The following NLRX1 variants were observed in gnomAD, a reference collection of about 807,000 sequenced individuals.
The protein encoded by NLRX1 is NOD-like receptor X1.
Under a neutral mutation model 74.2 loss-of-function variants are expected in NLRX1, and 67 were observed. That is an observed-to-expected ratio of 0.90 (90% CI 0.74 to 1.11). The LOEUF is 1.11. Ranked by LOEUF, NLRX1 falls within the 50% of genes least tolerant of loss-of-function variation. The pLI is 0.00. For synonymous variants in NLRX1, 506 were observed against 559.1 expected (o/e 0.91, Z 1.34); for missense variants, 1,191 against 1,305.4 (o/e 0.91, Z 1.35).
chr11:119,181,251 C>T lies in NLRX1; in HGVS notation c.2348C>T (p.Thr783Ile), dbSNP rs367872629. The change falls in exon 8 of 10, where the codon ACA (threonine) becomes ATA (isoleucine). Residue 783 changes from threonine (T) to isoleucine (I), a missense_variant. Coordinates refer to ENST00000409109, the MANE Select transcript of NLRX1 (RefSeq NM_001282144.2). ...CTGCATGACCAGTGCCAAATTACCA[C>T]ACTGCGGTGAGTGACCTGGGAGTGG... ...LLLHDQCQIT[T>I]LRLSNNPLTA... 4 of 1,613,232 alleles carry T rather than the reference C, an allele frequency of 2.5e-6. No individual in the cohort carries two copies. Among genetic ancestry groups the T allele is most frequent in the Admixed American group, 1.7e-5 (1 of 59,994 alleles).
At chr11:119,182,823 G>C (rs190802514) in intron 9 of NLRX1, among the ~76,000 whole-genome samples, 2 of 151,812 alleles carry the variant, frequency 1.3e-5, no homozygotes, top group Admixed American at 6.6e-5. Context: ...GCAGGTGGAG[G>C]TTGCAGTAAG....
At position 119,174,862 on chromosome 11, in the gene NLRX1, C is replaced by A. The variant is rs762903725; in HGVS notation, c.1259C>A (p.Ser420Tyr). ...GACAGCACTGACCCCTCCAATTTGTCCCTGATGGCCTATGCAGCCCGAACC... is the reference window on the plus strand; with the variant it reads ...GACAGCACTGACCCCTCCAATTTGTACCTGATGGCCTATGCAGCCCGAACC... ...TLDSTDPSNL[S>Y]LMAYAARTMG... The change falls in exon 6 of 10, where the codon TCC (serine) becomes TAC (tyrosine). Residue 420 changes from serine (S) to tyrosine (Y), a missense_variant. Transcript: ENST00000409109. 6 of 1,614,100 alleles carry A rather than the reference C, an allele frequency of 3.7e-6. No individual in the cohort carries two copies. The South Asian group carries it at 5.5e-5, about 15-fold the overall frequency.
chr11:119,181,220 C>T lies in NLRX1; in HGVS notation c.2317C>T (p.Leu773=). 1 of 1,613,970 alleles carries T rather than the reference C, an allele frequency of 6.2e-7. No individual in the cohort carries two copies. Among genetic ancestry groups the T allele is most frequent in the Non-Finnish European group, 8.5e-7 (1 of 1,179,992 alleles). Residue 773 remains leucine, a synonymous_variant, in exon 8 of 10, where the codon CTG becomes TTG. Transcript: ENST00000409109. ...GPEACKDLRD[L]LLHDQCQITT... Reference sequence around the variant, plus strand: ...TGAGGCCTGCAAGGACCTCCGAGACCTGTTGCTGCATGACCAGTGCCAAAT... The same window carrying T: ...TGAGGCCTGCAAGGACCTCCGAGACTTGTTGCTGCATGACCAGTGCCAAAT...
In NLRX1 at chr11:119,179,902, G is replaced by C. The variant is rs1283885616; in HGVS notation, c.1881G>C (p.Met627Ile). 1 of 1,611,710 alleles carries C rather than the reference G, an allele frequency of 6.2e-7. No homozygotes were observed. The highest frequency in any genetic ancestry group is 1.3e-5 in the African/African-American group (1 of 74,962). ...TCTTCGAGCTCTTCCCCATGTTCAT[G>C]GGGGGGCTTCTCTCTGCCCACAACC... ...DEVFELFPMF[M>I]GGLLSAHNRA... Residue 627 changes from methionine (M) to isoleucine (I), a missense_variant, in exon 7 of 10, where the codon ATG (methionine) becomes ATC (isoleucine). Transcript: ENST00000409109.
intron 6 of NLRX1, 52 bp from the exon 7 acceptor site, chr11:119,179,641 G>C: frequency 1.3e-6 from 2 of 1,498,252 alleles, no homozygotes; most frequent in East Asian, 2.3e-5. Context: ...AACCTTGAAG[G>C]CTGAACAGGC....
At chr11:119,171,610 G>A in intron 2 of NLRX1, 137 bp downstream of exon 2, 1 of 609,020 alleles carries the variant, frequency 1.6e-6, no homozygotes, top group Non-Finnish European at 2.9e-6. Context: ...TTGACCTTGA[G>A]CATGTCGCTT....
At position 119,178,230 on chromosome 11, in the gene NLRX1, C is replaced by T. The variant is rs567116495; in HGVS notation, c.1672-1463C>T. On this transcript the variant is annotated intron_variant, in intron 6 of 9. Coordinates refer to ENST00000409109, the MANE Select transcript of NLRX1 (RefSeq NM_001282144.2). The stretch of plus-strand genomic sequence containing the variant: ...AACCCAGATGTTAAAGGACGTGCCA[C>T]AAAACAACGTCATGGTTTGTTGCCA... Among the ~76,000 whole-genome samples, 6 of 152,296 alleles carry T rather than the reference C, an allele frequency of 3.9e-5. No individual in the cohort carries two copies. The South Asian group carries it at 8.3e-4, about 21-fold the overall frequency.
Position 119,182,313 on chromosome 11 carries a change from T to C in NLRX1, c.2574T>C (p.Ala858=). The change falls in exon 9 of 10, where the codon GCT becomes GCC. Residue 858 remains alanine, a synonymous_variant. Coordinates refer to ENST00000409109, the MANE Select transcript of NLRX1 (RefSeq NM_001282144.2). The part of the protein sequence containing the change: ...GDTAALALAR[A]AREHPSLELL... ...CAGCGGCCCTGGCCCTGGCCAGAGC[T>C]GCCCGGGAGCACCCTTCCCTGGAAC... The C allele has an allele frequency of 1.2e-6, 2 of 1,613,188 alleles. No homozygotes were observed. The highest frequency in any genetic ancestry group is 1.7e-6 in the Non-Finnish European group (2 of 1,179,906).
chr11:119,182,344 C>T lies in NLRX1; in HGVS notation c.2605C>T (p.His869Tyr), dbSNP rs761457722. The T allele has an allele frequency of 6.8e-6, 11 of 1,611,036 alleles. No individual in the cohort carries two copies. Among genetic ancestry groups the T allele is most frequent in the Non-Finnish European group, 9.3e-6 (11 of 1,179,342 alleles). The change falls in exon 9 of 10, where the codon CAC becomes TAC. Residue 869 changes from histidine to tyrosine, a missense_variant and splice_region_variant. Transcript: ENST00000409109. ...GGAGCACCCTTCCCTGGAACTGCTA[C>T]AGTGAGTCCTGTCCCTGGTCCCATT... ...AREHPSLELL[H>Y]LYFNELSSEG...
intron 6 of NLRX1, among the ~76,000 whole-genome samples, chr11:119,176,412 C>G (rs939922080): frequency 6.6e-6 from 1 of 152,140 alleles, no homozygotes; most frequent in Non-Finnish European, 1.5e-5. Context: ...CCATCCCCAG[C>G]TAATTTTTAA....
At chr11:119,181,148 C>T (rs745638554) in intron 7 of NLRX1, 23 bp from the exon 8 acceptor site, 1 of 1,593,132 alleles carries the variant, frequency 6.3e-7, no homozygotes, top group Non-Finnish European at 8.6e-7. Flanking sequence ...TCTCACCTCC[C>T]CTCTGGCCAC....
At position 119,183,076 on chromosome 11, in the gene NLRX1, C is replaced by G; in HGVS notation, c.2607-42C>G. On this transcript the variant is annotated intron_variant, in intron 9 of 9. Transcript: ENST00000409109. The surrounding 1 kb of genome is among the most constrained non-coding windows in gnomAD (Gnocchi z 5.7). ...CCATCTACCCTCGGGCCCTCCTTCT[C>G]AGAGCTCTACTGAATGGCATCGACT... is the stretch of plus-strand genomic sequence containing the variant. The G allele has an allele frequency of 6.3e-7, 1 of 1,577,416 alleles. No individual in the cohort carries two copies. Among genetic ancestry groups the G allele is most frequent in the African/African-American group, 1.3e-5 (1 of 74,388 alleles).
At chr11:119,179,643 T>TGGAAGGCC in intron 6 of NLRX1, 50 bp from the exon 7 acceptor site, 2 of 1,489,626 alleles carry the variant, frequency 1.3e-6, no homozygotes, top group South Asian at 1.3e-5. Flanking sequence ...CCTTGAAGGC[T>TGGAAGGCC]GAACAGGCAC....
rs895354316 is a variant in NLRX1 at position 119,171,484 on chromosome 11, A to G, written c.70+11A>G. On this transcript the variant is annotated intron_variant, in intron 2 of 9. Coordinates refer to ENST00000409109, the MANE Select transcript of NLRX1 (RefSeq NM_001282144.2). ...CACTCCAGCGACCAGGTGAGCAGGA[A>G]GCAGGGGTTTCTGTTTTTACCTCTT... 1.9e-6 allele frequency: 3 copies of G among 1,601,286 alleles called. No homozygotes were observed. The African/African-American group carries it at 4.0e-5, about 21-fold the overall frequency.
intron 6 of NLRX1, among the ~76,000 whole-genome samples, chr11:119,177,535 G>A (rs1336641726): frequency 6.6e-6 from 1 of 151,632 alleles, no homozygotes; most frequent in Non-Finnish European, 1.5e-5. Flanking sequence ...GGCTGAGGCA[G>A]GAGAATCTCT....
At position 119,183,047 on chromosome 11, in the gene NLRX1, C is replaced by T. The variant is rs1016884268; in HGVS notation, c.2607-71C>T. 3 of 1,390,444 alleles carry T rather than the reference C, an allele frequency of 2.2e-6. No homozygotes were observed. The highest frequency in any genetic ancestry group is 4.2e-5 in the Admixed American group (2 of 47,902). The allele number at this position is 1,390,444 out of a possible 1,614,324, so 86.1% of individuals were successfully genotyped here. A position where few individuals can be genotyped will look rare whatever the true frequency, so the allele number is the denominator to read the frequency against. ...ATGAGTTGTGAGGCCCCCTGACTTT[C>T]CATCCATCTACCCTCGGGCCCTCCT... On this transcript the variant is annotated intron_variant, in intron 9 of 9. Coordinates refer to ENST00000409109, the MANE Select transcript of NLRX1 (RefSeq NM_001282144.2). This position sits in a 1 kb window ranked among gnomAD's most constrained non-coding sequence, Gnocchi z 5.7.
chr11:119,173,496 C>G lies in NLRX1; in HGVS notation c.247C>G (p.Arg83Gly), dbSNP rs145472496. 3 of 1,613,468 alleles carry G rather than the reference C, an allele frequency of 1.9e-6. No individual in the cohort carries two copies. The South Asian group carries it at 3.3e-5, about 18-fold the overall frequency. Residue 83 changes from arginine to glycine, a missense_variant, in exon 5 of 10, where the codon CGC becomes GGC. Arg to Gly is a moderately radical substitution (Grantham distance 125). Transcript: ENST00000409109. The surrounding 1 kb of genome is among the most constrained non-coding windows in gnomAD (Gnocchi z 4.0). ...CCACTCAGAAGCTATACAGCGGCAC[C>G]GCCGGAACCTGGCTGAGTGGTTCAG... is the stretch of plus-strand genomic sequence containing the variant. ...ASATEAIQRH[R>G]RNLAEWFSRL...
chr11:119,177,098 T>C (rs1282534964), intron 6 of NLRX1, among the ~76,000 whole-genome samples: 1 of 152,084 alleles, frequency 6.6e-6, no homozygotes, highest in African/African-American at 2.4e-5. Context: ...GTTTGTTTTT[T>C]TGAGATGGAG....
rs1948807911 is a variant in NLRX1 at position 119,180,436 on chromosome 11, G to A, written c.2267+148G>A. The A allele has an allele frequency of 4.4e-6, 3 of 675,096 alleles. No individual in the cohort carries two copies. In the Admixed American group the frequency reaches 9.0e-5, roughly 20 times the overall value. 41.8% of individuals were successfully genotyped at this position (675,096 alleles called of 1,614,324 possible). A position where few individuals can be genotyped will look rare whatever the true frequency, so the allele number is the denominator to read the frequency against. On this transcript the variant is annotated intron_variant, in intron 7 of 9. Transcript: ENST00000409109. The stretch of plus-strand genomic sequence containing the variant: ...GTCTAGTTTAGGGGCCGGGAGCAGT[G>A]GCTCACACCTGTAATCCCAGCACTT...
Sources: gnomAD v4.1 joint callset for allele counts (sites outside exome capture counted in the v4.1 genomes callset) on GRCh38, gnomAD v4.1.1 for gene constraint, Gnocchi (gnomAD v3.1) non-coding constraint, MANE v1.5 for transcripts, NCBI Gene and HGNC (gene_info 2026-07-23, HGNC 2026-07-21) for gene names.